The following ORC1 variants were observed in gnomAD, a reference collection of about 807,000 sequenced individuals.
The protein encoded by ORC1 is origin recognition complex, subunit 1 homolog.
In ORC1, 61 loss-of-function variants were observed where a neutral mutation model predicts 98.9. The ratio of observed to expected loss-of-function variants is 0.62; its 90% CI spans 0.50 to 0.76. ORC1 has a LOEUF of 0.76. Ranked by LOEUF, ORC1 falls within the 30% of genes least tolerant of loss-of-function variation. ORC1 has a pLI of 0.00. For missense variants in ORC1, 979 were observed against 1,072.2 expected, an observed-to-expected ratio of 0.91 and a Z score of 1.21; for synonymous variants, 385 against 406.9, an observed-to-expected ratio of 0.95 and a Z score of 0.65.
At chr1:52,373,471 G>T in intron 16 of ORC1, 96 bp from the exon 17 acceptor site, 1 of 1,052,890 alleles carries the variant, frequency 9.5e-7, no homozygotes, top group Non-Finnish European at 1.4e-6. Flanking sequence ...CAGACACATG[G>T]CCCCCAGGAT....
At chr1:52,392,360 C>T (rs1028313863) in intron 6 of ORC1, among the ~76,000 whole-genome samples, 1 of 152,058 alleles carries the variant, frequency 6.6e-6, no homozygotes, top group Non-Finnish European at 1.5e-5. Flanking sequence ...GATCTCCTGA[C>T]CTTGTGATCC....
chr1:52,392,418 G>A (rs1051609234), intron 6 of ORC1, among the ~76,000 whole-genome samples: 6 of 152,038 alleles, frequency 3.9e-5, no homozygotes, highest in South Asian at 2.1e-4. Flanking sequence ...GTGAGCCACC[G>A]CGCCCAGCCA....
chr1:52,382,572 CTTTTTTTTTT>C (rs3049207), intron 13 of ORC1, among the ~76,000 whole-genome samples: 3 of 107,410 alleles, frequency 2.8e-5, no homozygotes, highest in African/African-American at 4.2e-5. Context: ...AGTGCTAAAA[CTTTTTTTTTT>C]TTTTTTTTTT....
chr1:52,408,594 T>C (rs1465945131), upstream of ORC1: 1 of 1,614,208 alleles, frequency 6.2e-7, no homozygotes, highest in East Asian at 2.2e-5. Context: ...GGGGGCACTT[T>C]ACATGAGGCT....
intron 8 of ORC1, 87 bp from the exon 9 acceptor site, chr1:52,386,036 G>A: frequency 5.1e-6 from 5 of 988,152 alleles, no homozygotes; most frequent in Non-Finnish European, 7.9e-6. Flanking sequence ...GTGCTGATCT[G>A]ATAAAAGGAA....
At chr1:52,380,386 G>A (rs75986133) in intron 14 of ORC1, among the ~76,000 whole-genome samples, 4,988 of 152,276 alleles carry the variant, frequency 0.033, 129 homozygotes, top group Middle Eastern at 0.13. Flanking sequence ...AACGGGAAAG[G>A]ACAATTTCAA....
rs1569895615 is a variant in ORC1 at position 52,373,045 on chromosome 1, T to G, written c.*136A>C. 1 of 910,144 alleles carries G rather than the reference T, an allele frequency of 1.1e-6. No homozygotes were observed. Among genetic ancestry groups the G allele is most frequent in the African/African-American group, 1.6e-5 (1 of 61,538 alleles). The allele number at this position is 910,144 out of a possible 1,614,324, so 56.4% of individuals were successfully genotyped here. On this transcript the variant is annotated 3_prime_UTR_variant, in exon 17 of 17. Coordinates refer to ENST00000371568, the MANE Select transcript of ORC1 (RefSeq NM_004153.4). ...CACCTGGGAGGATGAGGTTGGGGGG[T>G]CACCTAAGCCTGAGAAGTCAAGGCT... is the stretch of plus-strand genomic sequence containing the variant.
At chr1:52,398,025 C>T (rs1442001454) in intron 3 of ORC1, among the ~76,000 whole-genome samples, 162 bp from the exon 4 acceptor site, 1 of 146,950 alleles carries the variant, frequency 6.8e-6, no homozygotes, top group East Asian at 2.0e-4. Flanking sequence ...GTGCAGTGGC[C>T]CCATCTTGGC....
At chr1:52,407,633 A>C (rs1370414545), upstream of ORC1, among the ~76,000 whole-genome samples, 2 of 152,200 alleles carry the variant, frequency 1.3e-5, no homozygotes, top group African/African-American at 4.8e-5. Context: ...TTAAAATTCA[A>C]TATATGGCCA....
intron 4 of ORC1, 52 bp downstream of exon 4, chr1:52,397,633 G>A (rs1334097235): frequency 1.3e-6 from 2 of 1,547,666 alleles, no homozygotes; most frequent in Non-Finnish European, 8.9e-7. Flanking sequence ...AAGTTCAGGA[G>A]GCAGACAGAA....
intron 1 of ORC1, 90 bp from the exon 2 acceptor site, chr1:52,402,318 A>T: frequency 1.1e-6 from 1 of 934,924 alleles, no homozygotes; most frequent in Non-Finnish European, 1.7e-6. Context: ...CTCCCTTCAA[A>T]TGAGATCAGA....
intron 16 of ORC1, 92 bp downstream of exon 16, chr1:52,374,718 A>G: frequency 1.2e-6 from 1 of 862,762 alleles, no homozygotes. Context: ...TAGGTGGCAC[A>G]AAATAGAGTG....
At chr1:52,381,873 T>C in intron 13 of ORC1, 112 bp from the exon 14 acceptor site, 2 of 1,053,304 alleles carry the variant, frequency 1.9e-6, no homozygotes. Flanking sequence ...TATAACAAAT[T>C]ACACATTTCA....
intron 5 of ORC1, among the ~76,000 whole-genome samples, chr1:52,395,059 G>C (rs1647332332): frequency 6.6e-6 from 1 of 152,064 alleles, no homozygotes; most frequent in African/African-American, 2.4e-5. Flanking sequence ...CTGTACTATA[G>C]AGCTATCAAG....
At position 52,393,728 on chromosome 1, in the gene ORC1, A is replaced by G; in HGVS notation, c.797T>C (p.Val266Ala). The G allele has an allele frequency of 6.2e-7, 1 of 1,614,092 alleles. No homozygotes were observed. Among genetic ancestry groups the G allele is most frequent in the Non-Finnish European group, 8.5e-7 (1 of 1,180,004 alleles). ...AGGTGAGGTGATCTCCGAGAAGGCC[A>G]CTTTCCGTTTTATTCTTCCTGGAGA... The part of the protein sequence containing the change: ...LDSPGRIKRK[V>A]AFSEITSPSK... Residue 266 changes from valine to alanine, a missense_variant, in exon 6 of 17, where the codon GTG becomes GCG. Val to Ala is a moderately conservative substitution (Grantham distance 64, BLOSUM62 0). Transcript: ENST00000371568.
In ORC1 at chr1:52,373,376, C is replaced by A. The variant is rs869312969; in HGVS notation, c.2392-1G>T. 3.1e-6 allele frequency: 5 copies of A among 1,612,750 alleles called. No individual in the cohort carries two copies. The highest frequency in any genetic ancestry group is 3.4e-6 in the Non-Finnish European group (4 of 1,179,016). On this transcript the variant is annotated splice_acceptor_variant, in intron 16 of 16. Transcript: ENST00000371568. LOFTEE classifies it high-confidence loss of function. ...ACAGTGCCACATGTTGACTATATAT[C>A]TAGACACAAATAGCAAGGCAAAGGT...
At chr1:52,406,124 G>A (rs2147953509), upstream of ORC1, among the ~76,000 whole-genome samples, 1 of 152,266 alleles carries the variant, frequency 6.6e-6, no homozygotes, top group Non-Finnish European at 1.5e-5. Flanking sequence ...GAGTAGCTGG[G>A]ATTACAGGCA....
Position 52,393,707 on chromosome 1 carries a change from G to A in ORC1, c.818C>T (p.Ser273Leu), listed in dbSNP as rs749766158. The A allele has an allele frequency of 6.2e-7, 1 of 1,614,040 alleles. No individual in the cohort carries two copies. Among genetic ancestry groups the A allele is most frequent in the Non-Finnish European group, 8.5e-7 (1 of 1,179,978 alleles). ...KRKVAFSEIT[S>L]PSKRSQPDKL... is the part of the protein sequence containing the mutation. Reference sequence around the variant, plus strand: ...ATCAGGCTGAGATCTCTTAGAAGGTGAGGTGATCTCCGAGAAGGCCACTTT... The same window carrying A: ...ATCAGGCTGAGATCTCTTAGAAGGTAAGGTGATCTCCGAGAAGGCCACTTT... The change falls in exon 6 of 17, where the codon TCA (serine) becomes TTA (leucine). Residue 273 changes from serine (S) to leucine (L), a missense_variant. Ser to Leu is a moderately radical substitution (Grantham distance 145). Transcript: ENST00000371568.
At chr1:52,387,539 C>T (rs1331958793) in intron 8 of ORC1, among the ~76,000 whole-genome samples, 2 of 152,176 alleles carry the variant, frequency 1.3e-5, no homozygotes, top group African/African-American at 4.8e-5. Context: ...CTCACTGAAA[C>T]CTCTGCCTCG....
Sources: allele counts gnomAD v4.1 joint callset (sites outside exome capture counted in the v4.1 genomes callset), GRCh38; gene constraint gnomAD v4.1.1; transcripts MANE v1.5; gene names NCBI Gene and HGNC (gene_info 2026-07-23, HGNC 2026-07-21).